The following NAV2 variants were observed in gnomAD, a reference collection of about 807,000 sequenced individuals.
NAV2 encodes the protein neuron navigator 2.
Under a neutral mutation model 223.2 loss-of-function variants are expected in NAV2, and 54 were observed. The ratio of observed to expected loss-of-function variants is 0.24; its 90% CI spans 0.19 to 0.30. NAV2 has a LOEUF of 0.30. Ranked by LOEUF, NAV2 falls within the 10% of genes least tolerant of loss-of-function variation. NAV2 has a pLI of 1.00. For missense variants in NAV2, 2,806 were observed against 3,147.5 expected (o/e 0.89, Z 2.60); for synonymous variants, 1,279 against 1,239.3 (o/e 1.03, Z -0.67).
intron 6 of NAV2, among the ~76,000 whole-genome samples, chr11:19,932,257 A>AAAAAAAG (rs1555153008): frequency 0.017 from 1,657 of 99,542 alleles, no homozygotes; most frequent in Non-Finnish European, 0.028. Flanking sequence ...AAAAAAAAAA[A>AAAAAAAG]AAAGAAAGAA....
chr11:19,565,369 G>A (rs2045235651), intron 1 of NAV2, among the ~76,000 whole-genome samples: 1 of 152,136 alleles, frequency 6.6e-6, no homozygotes, highest in South Asian at 2.1e-4. Flanking sequence ...ATTCCCATTT[G>A]TTCTCCAATT....
At chr11:19,577,148 C>G (rs2045593275) in intron 1 of NAV2, among the ~76,000 whole-genome samples, 1 of 152,228 alleles carries the variant, frequency 6.6e-6, no homozygotes, top group Non-Finnish European at 1.5e-5. Flanking sequence ...CACCACAGCC[C>G]TATGACGTGG....
intron 1 of NAV2, among the ~76,000 whole-genome samples, chr11:19,747,435 G>T (rs1443280428): frequency 2.0e-5 from 3 of 152,266 alleles, no homozygotes; most frequent in African/African-American, 7.2e-5. Flanking sequence ...GCTTAGAGAG[G>T]TTGAATCAGT....
intron 1 of NAV2, among the ~76,000 whole-genome samples, chr11:19,716,866 A>AT: frequency 6.6e-6 from 1 of 152,320 alleles, no homozygotes; most frequent in Admixed American, 6.5e-5. Context: ...TTAAAAACTA[A>AT]TTTTATTCTT....
At chr11:19,496,826 A>G (rs1382716957) in intron 1 of NAV2, among the ~76,000 whole-genome samples, 5 of 151,436 alleles carry the variant, frequency 3.3e-5, no homozygotes, top group African/African-American at 9.8e-5. Context: ...CTAAAAAACA[A>G]AAAACAAAAA....
At chr11:19,548,397 T>C (rs1370853380) in intron 1 of NAV2, among the ~76,000 whole-genome samples, 1 of 152,138 alleles carries the variant, frequency 6.6e-6, no homozygotes, top group Non-Finnish European at 1.5e-5. Flanking sequence ...AGGGCGAGCC[T>C]GTGCTTACCT....
chr11:20,027,131 ATAGT>A, intron 11 of NAV2: 1 of 310,596 alleles, frequency 3.2e-6, no homozygotes, highest in Non-Finnish European at 4.7e-6. Flanking sequence ...GGCCCCAGCA[ATAGT>A]TAGAGGAGAT....
chr11:19,593,640 T>C (rs1436726296), intron 1 of NAV2, among the ~76,000 whole-genome samples: 1 of 152,236 alleles, frequency 6.6e-6, no homozygotes, highest in African/African-American at 2.4e-5. Flanking sequence ...AGAGTGGCTG[T>C]ACCATTTTAC....
intron 1 of NAV2, among the ~76,000 whole-genome samples, chr11:19,758,191 A>G (rs994397): frequency 0.98 from 148,925 of 152,320 alleles, 72,889 homozygotes; most frequent in East Asian, 1. Context: ...GGGACACAAG[A>G]ATGAACAAAA....
intron 27 of NAV2, among the ~76,000 whole-genome samples, chr11:20,091,756 T>C (rs1203330171): frequency 6.6e-6 from 1 of 152,216 alleles, no homozygotes; most frequent in East Asian, 1.9e-4. Flanking sequence ...AAACACTCTT[T>C]CCATGAGAAG....
In NAV2 at chr11:20,054,124, A is replaced by T; in HGVS notation, c.4526A>T (p.Glu1509Val). ...CTTCGCACGCAAGAAGATGCAAAAG[A>T]ATGGTTACGGTCCCATTCTGCAGGA... ...SQLRTQEDAK[E>V]WLRSHSAGGL... The change falls in exon 18 of 38, where the codon GAA becomes GTA. Residue 1509 changes from glutamate (E) to valine (V), a missense_variant. Physicochemically the swap from Glu to Val is moderately radical, Grantham distance 121. Coordinates refer to ENST00000349880, the MANE Select transcript of NAV2 (RefSeq NM_145117.5). 6.2e-7 allele frequency: 1 copy of T among 1,613,098 alleles called. No individual in the cohort carries two copies. Among genetic ancestry groups the T allele is most frequent in the Non-Finnish European group, 8.5e-7 (1 of 1,179,846 alleles).
At chr11:20,031,495 A>G (rs980804972) in intron 11 of NAV2, among the ~76,000 whole-genome samples, 2 of 152,210 alleles carry the variant, frequency 1.3e-5, no homozygotes, top group Non-Finnish European at 1.5e-5. Flanking sequence ...ATTAGTTAGC[A>G]TGAGTATGCC....
At chr11:19,406,154 C>G (rs1465537338) in intron 1 of NAV2, among the ~76,000 whole-genome samples, 1 of 152,162 alleles carries the variant, frequency 6.6e-6, no homozygotes, top group Admixed American at 6.5e-5. Context: ...TATTCTCCCC[C>G]CAGGTTACAG....
At chr11:19,460,476 G>A (rs1395033355) in intron 1 of NAV2, among the ~76,000 whole-genome samples, 1 of 152,106 alleles carries the variant, frequency 6.6e-6, no homozygotes, top group Admixed American at 6.5e-5. Context: ...GTAGTTATTA[G>A]ATTTCATCAT....
intron 1 of NAV2, among the ~76,000 whole-genome samples, chr11:19,586,429 C>T (rs1301077257): frequency 3.9e-5 from 6 of 152,298 alleles, no homozygotes; most frequent in South Asian, 2.1e-4. Context: ...TGAGGAGCTG[C>T]GTTCCTTTGT....
At chr11:20,094,534 C>T (rs573095883) in intron 29 of NAV2, among the ~76,000 whole-genome samples, 74 of 152,216 alleles carry the variant, frequency 4.9e-4, no homozygotes, top group Non-Finnish European at 9.1e-4. Flanking sequence ...GGCTGGGAAA[C>T]TCATTCTTAC....
intron 3 of NAV2, among the ~76,000 whole-genome samples, chr11:19,861,282 G>A (rs538178111): frequency 1.8e-4 from 28 of 152,268 alleles, no homozygotes; most frequent in African/African-American, 6.5e-4. Context: ...CATGACATCA[G>A]GTTACGGAGA....
intron 1 of NAV2, among the ~76,000 whole-genome samples, chr11:19,383,678 G>A (rs1590092044): frequency 6.6e-6 from 1 of 152,240 alleles, no homozygotes; most frequent in African/African-American, 2.4e-5. Flanking sequence ...AACTCCATGG[G>A]CCTCCTACGT....
At chr11:19,986,048 C>T (rs1273355421) in intron 11 of NAV2, among the ~76,000 whole-genome samples, 7 of 152,084 alleles carry the variant, frequency 4.6e-5, no homozygotes, top group South Asian at 4.2e-4. Flanking sequence ...TAAATCTATC[C>T]ACATAAAATA....
Sources: allele counts gnomAD v4.1 joint callset (sites outside exome capture counted in the v4.1 genomes callset), GRCh38; gene constraint gnomAD v4.1.1; transcripts MANE v1.5; gene names NCBI Gene and HGNC (gene_info 2026-07-23, HGNC 2026-07-21).